Variants in PDE7B observed in about 807,000 individuals in gnomAD.
PDE7B encodes phosphodiesterase 7B.
Under a neutral mutation model 56.2 loss-of-function variants are expected in PDE7B, and 29 were observed. The ratio of observed to expected loss-of-function variants is 0.52; its 90% CI spans 0.38 to 0.70. PDE7B has a LOEUF of 0.70. Ranked by LOEUF, PDE7B falls within the 30% of genes least tolerant of loss-of-function variation. The pLI is 0.00. For synonymous variants in PDE7B, 197 were observed against 196.9 expected, an observed-to-expected ratio of 1.00 and a Z score of 0.00; for missense variants, 490 against 565.0, an observed-to-expected ratio of 0.87 and a Z score of 1.35.
At chr6:136,031,028 C>T (rs1158097305) in intron 2 of PDE7B, among the ~76,000 whole-genome samples, 3 of 152,234 alleles carry the variant, frequency 2.0e-5, no homozygotes, top group Non-Finnish European at 4.4e-5. Context: ...GGTTCAATGT[C>T]CCCAGATACA....
intron 2 of PDE7B, among the ~76,000 whole-genome samples, chr6:136,007,653 GAA>G (rs372657193): frequency 1.6e-4 from 21 of 134,850 alleles, no homozygotes; most frequent in Admixed American, 2.2e-4. Flanking sequence ...CTTTCTTGGT[GAA>G]AAAAAAAAAA....
At chr6:135,958,739 A>G (rs1381261322) in intron 2 of PDE7B, among the ~76,000 whole-genome samples, 1 of 152,162 alleles carries the variant, frequency 6.6e-6, no homozygotes, top group Non-Finnish European at 1.5e-5. Flanking sequence ...TCTAATTGCC[A>G]AAATATATTT....
Position 136,150,976 on chromosome 6 carries a change from A to G in PDE7B, c.383-184A>G, listed in dbSNP as rs188566535. Among the ~76,000 whole-genome samples the G allele has an allele frequency of 2.0e-3, 303 of 152,292 alleles. 1 individual carries two copies. Among genetic ancestry groups the G allele is most frequent in the Non-Finnish European group, 3.0e-3 (205 of 68,002 alleles). On this transcript the variant is annotated intron_variant, in intron 5 of 12. Transcript: ENST00000308191. Reference sequence around the variant, plus strand: ...GGTCTGAGCTAATTTTACTTGTACAATAAGAAAAAACCTAGGATCAGATCA... The same window carrying G: ...GGTCTGAGCTAATTTTACTTGTACAGTAAGAAAAAACCTAGGATCAGATCA...
intron 3 of PDE7B, among the ~76,000 whole-genome samples, chr6:136,131,591 CA>C (rs1778119521): frequency 6.8e-6 from 1 of 146,602 alleles, no homozygotes; most frequent in Non-Finnish European, 1.5e-5. Flanking sequence ...TCTATGTACA[CA>C]ACAAAAATAT....
chr6:136,002,003 C>T (rs1035897514), intron 2 of PDE7B, among the ~76,000 whole-genome samples: 17 of 152,124 alleles, frequency 1.1e-4, no homozygotes, highest in East Asian at 3.9e-4. Flanking sequence ...GCGGATCTCT[C>T]GGCAGAAACT....
chr6:135,955,312 G>A (rs1265441151), intron 2 of PDE7B, among the ~76,000 whole-genome samples: 2 of 151,936 alleles, frequency 1.3e-5, no homozygotes, highest in African/African-American at 2.4e-5. Flanking sequence ...GTGGCATCAG[G>A]AAAGACCTTG....
intron 3 of PDE7B, among the ~76,000 whole-genome samples, chr6:136,114,140 G>T (rs1024155338): frequency 6.6e-6 from 1 of 152,130 alleles, no homozygotes; most frequent in Non-Finnish European, 1.5e-5. Context: ...CTGTTAATTT[G>T]CTAATCTTGA....
At chr6:136,179,783 T>C (rs1779034253) in intron 10 of PDE7B, among the ~76,000 whole-genome samples, 1 of 152,244 alleles carries the variant, frequency 6.6e-6, no homozygotes, top group Non-Finnish European at 1.5e-5. Context: ...CTACCTAAAC[T>C]TCTATTTTCA....
chr6:135,992,149 A>G (rs1775489962), intron 2 of PDE7B, among the ~76,000 whole-genome samples: 1 of 152,078 alleles, frequency 6.6e-6, no homozygotes, highest in South Asian at 2.1e-4. Flanking sequence ...CCGCTCTGAA[A>G]GAAGAAGAAT....
At chr6:136,158,900 G>GTTA (rs765449230) in intron 8 of PDE7B, among the ~76,000 whole-genome samples, 8 of 152,328 alleles carry the variant, frequency 5.3e-5, no homozygotes, top group Non-Finnish European at 1.2e-4. Context: ...TGCAAAGTAA[G>GTTA]CATTAAGTTA....
At chr6:136,185,055 C>T (rs1050455294) in intron 11 of PDE7B, among the ~76,000 whole-genome samples, 1 of 152,100 alleles carries the variant, frequency 6.6e-6, no homozygotes, top group Non-Finnish European at 1.5e-5. Flanking sequence ...AGGAGTGAAA[C>T]TGGCTGTAGG....
intron 3 of PDE7B, among the ~76,000 whole-genome samples, chr6:136,128,644 T>TA (rs1778064582): frequency 2.6e-5 from 4 of 152,170 alleles, no homozygotes; most frequent in African/African-American, 9.7e-5. Flanking sequence ...AGCTAAGCAC[T>TA]AGGGATTATA....
chr6:135,852,412 G>A (rs937111763), intron 1 of PDE7B, among the ~76,000 whole-genome samples: 3 of 152,046 alleles, frequency 2.0e-5, no homozygotes, highest in Non-Finnish European at 4.4e-5. Flanking sequence ...GCTGGTAAAG[G>A]GATTGGTAAG....
chr6:135,995,920 G>A (rs1775556933), intron 2 of PDE7B, among the ~76,000 whole-genome samples: 1 of 152,042 alleles, frequency 6.6e-6, no homozygotes, highest in Non-Finnish European at 1.5e-5. Flanking sequence ...TAATTTAATT[G>A]TTAATTAACA....
intron 1 of PDE7B, among the ~76,000 whole-genome samples, chr6:135,895,548 T>C (rs541381831): frequency 6.6e-6 from 1 of 152,250 alleles, no homozygotes; most frequent in African/African-American, 2.4e-5. Flanking sequence ...CTTTTTCCAA[T>C]GTAAGTTCAG....
At chr6:136,002,347 A>C (rs1277930686) in intron 2 of PDE7B, among the ~76,000 whole-genome samples, 1 of 152,206 alleles carries the variant, frequency 6.6e-6, no homozygotes, top group Admixed American at 6.5e-5. Context: ...TTCACACATA[A>C]CAATATTAAC....
At position 135,961,281 on chromosome 6, in the gene PDE7B, ATGTG is replaced by A. The variant is rs771473679; in HGVS notation, c.82+13787_82+13790del. On this transcript the variant is annotated intron_variant, in intron 2 of 12. Transcript: ENST00000308191. ...TGTGTGTGTGTGTGTGTGTGTGTGT[ATGTG>A]TGTGTGTGTGTGTGTGTGTGTGTGT... 8.1e-3 allele frequency among the ~76,000 whole-genome samples: 725 copies of A among 89,452 alleles called. 6 individuals carry two copies. Among genetic ancestry groups the A allele is most frequent in the East Asian group, 0.015 (40 of 2,602 alleles). 58.7% of individuals were successfully genotyped at this position (89,452 alleles called of 152,430 possible). A position where few individuals can be genotyped will look rare whatever the true frequency, so the allele number is the denominator to read the frequency against.
At chr6:135,904,529 G>A (rs1362686217) in intron 1 of PDE7B, among the ~76,000 whole-genome samples, 1 of 152,016 alleles carries the variant, frequency 6.6e-6, no homozygotes, top group Non-Finnish European at 1.5e-5. Flanking sequence ...TTTCCAAATG[G>A]GCATTCTGAT....
In PDE7B at chr6:135,926,747, T is replaced by C. The variant is rs114071476; in HGVS notation, c.22-20717T>C. ...CGATGTACCACATTTTGGGGTGGCA[T>C]GTCCTGAACCCCATCCAAACCAATC... On this transcript the variant is annotated intron_variant, in intron 1 of 12. Transcript: ENST00000308191. Among the ~76,000 whole-genome samples the C allele has an allele frequency of 6.9e-3, 1,046 of 152,254 alleles. 10 individuals carry two copies. Among genetic ancestry groups the C allele is most frequent in the African/African-American group, 0.024 (992 of 41,544 alleles).
Sources: gnomAD v4.1 joint callset for allele counts (sites outside exome capture counted in the v4.1 genomes callset) on GRCh38, gnomAD v4.1.1 for gene constraint, MANE v1.5 for transcripts, NCBI Gene and HGNC (gene_info 2026-07-23, HGNC 2026-07-21) for gene names.